CPEB3: variants seen among roughly 807,000 people sequenced by gnomAD.
CPEB3 encodes the protein cytoplasmic polyadenylation element-binding protein 3.
A neutral mutation model predicts 67.2 loss-of-function variants in CPEB3; 20 were observed. The ratio of observed to expected loss-of-function variants is 0.30; its 90% confidence interval spans 0.21 to 0.43. The LOEUF is 0.43. CPEB3 is among the 20% of genes least tolerant of loss of function. CPEB3 has a pLI of 1.00. For synonymous variants in CPEB3, 376 were observed against 393.1 expected, an observed-to-expected ratio of 0.96 and a Z score of 0.51; for missense variants, 746 against 968.6, an observed-to-expected ratio of 0.77 and a Z score of 3.05.
At chr10:92,119,155 A>G (rs1263718438) in intron 6 of CPEB3, 3 of 1,582,184 alleles carry the variant, frequency 1.9e-6, no homozygotes, top group Non-Finnish European at 1.7e-6. Context: ...TAGGGCCGGC[A>G]GCCATATGAA....
chr10:92,197,678 CCT>C (rs1476572794), intron 2 of CPEB3, among the ~76,000 whole-genome samples: 1 of 152,166 alleles, frequency 6.6e-6, no homozygotes, highest in African/African-American at 2.4e-5. Flanking sequence ...CTGCATTAGT[CCT>C]CTCTTTCTTC....
At chr10:92,063,796 T>C (rs1392523682) in intron 9 of CPEB3, among the ~76,000 whole-genome samples, 6 of 151,376 alleles carry the variant, frequency 4.0e-5, no homozygotes, top group Non-Finnish European at 8.8e-5. Flanking sequence ...TATCTAGTTA[T>C]CCTAAGGCAC....
At chr10:92,284,821 T>C (rs1348601533) in intron 1 of CPEB3, among the ~76,000 whole-genome samples, 1 of 152,228 alleles carries the variant, frequency 6.6e-6, no homozygotes, top group Non-Finnish European at 1.5e-5. Flanking sequence ...CTTCAGTCCC[T>C]AGCTTAGCGC....
chr10:92,060,641 T>C (rs1842306381), intron 9 of CPEB3, among the ~76,000 whole-genome samples: 1 of 152,136 alleles, frequency 6.6e-6, no homozygotes, highest in African/African-American at 2.4e-5. Flanking sequence ...AACCAGAATA[T>C]GTAAGGAGCT....
chr10:92,071,453 C>T (rs193138744), intron 9 of CPEB3, among the ~76,000 whole-genome samples: 47 of 152,050 alleles, frequency 3.1e-4, no homozygotes, highest in Admixed American at 2.0e-3. Flanking sequence ...CATGACTGTC[C>T]GGGAGCGGTG....
At chr10:92,209,076 TAAACATGTTGA>T (rs1487199596) in intron 2 of CPEB3, among the ~76,000 whole-genome samples, 1 of 152,178 alleles carries the variant, frequency 6.6e-6, no homozygotes, top group Non-Finnish European at 1.5e-5. Flanking sequence ...AAGTTCCCAG[TAAACATGTTGA>T]ACAAGTGAAG....
chr10:92,141,766 C>T lies in CPEB3; in HGVS notation c.1453+1263G>A, dbSNP rs1846435620. On this transcript the variant is annotated intron_variant, in intron 6 of 9. Coordinates refer to ENST00000265997, the MANE Select transcript of CPEB3 (RefSeq NM_014912.5). ...GGGCATGGTGGCTCACGCCTGTAAT[C>T]CCAGCACTTTGGGAGGCCAAGGCAG... Among the ~76,000 whole-genome samples, 3 of 150,294 alleles carry T rather than the reference C, an allele frequency of 2.0e-5. No homozygotes were observed. In the South Asian group the frequency reaches 6.3e-4, roughly 32 times the overall value.
At chr10:92,145,226 G>A in intron 4 of CPEB3, 141 bp from the exon 5 acceptor site, 1 of 855,670 alleles carries the variant, frequency 1.2e-6, no homozygotes, top group African/African-American at 1.7e-5. Flanking sequence ...GTCCTGAGCT[G>A]TGGCTTTTCC....
At chr10:92,228,024 C>T (rs146011338) in intron 2 of CPEB3, among the ~76,000 whole-genome samples, 35 of 152,238 alleles carry the variant, frequency 2.3e-4, no homozygotes, top group South Asian at 6.2e-4. Flanking sequence ...GTAGCTGGGA[C>T]TACAGACGTG....
chr10:92,283,657 G>T (rs1385748680), intron 1 of CPEB3, among the ~76,000 whole-genome samples: 1 of 151,744 alleles, frequency 6.6e-6, no homozygotes, highest in African/African-American at 2.4e-5. Flanking sequence ...GCAGGTTTAG[G>T]AACCACTACA....
At chr10:92,231,089 T>C (rs1203059479) in intron 2 of CPEB3, among the ~76,000 whole-genome samples, 1 of 152,174 alleles carries the variant, frequency 6.6e-6, no homozygotes, top group Non-Finnish European at 1.5e-5. Context: ...GGAAAACCCT[T>C]ACACTTACAT....
At chr10:92,212,361 C>T (rs1673530644) in intron 2 of CPEB3, among the ~76,000 whole-genome samples, 1 of 151,926 alleles carries the variant, frequency 6.6e-6, no homozygotes, top group Non-Finnish European at 1.5e-5. Flanking sequence ...ACCAATTCTC[C>T]TGCCTCAGCC....
chr10:92,217,377 TATG>T (rs1441893421), intron 2 of CPEB3, among the ~76,000 whole-genome samples: 2 of 152,144 alleles, frequency 1.3e-5, no homozygotes, highest in Admixed American at 6.5e-5. Context: ...GATTTATCAA[TATG>T]ATGATTCACA....
At chr10:92,072,882 G>A (rs1842800983) in intron 9 of CPEB3, among the ~76,000 whole-genome samples, 2 of 152,048 alleles carry the variant, frequency 1.3e-5, no homozygotes, top group South Asian at 2.1e-4. Flanking sequence ...ATTATGTGCT[G>A]AGTATCATAC....
At chr10:92,121,845 G>T (rs1162330888) in intron 6 of CPEB3, among the ~76,000 whole-genome samples, 2 of 152,144 alleles carry the variant, frequency 1.3e-5, no homozygotes, top group Non-Finnish European at 1.5e-5. Flanking sequence ...CCTATTACCA[G>T]TGACCTTCCT....
chr10:92,275,237 G>A (rs989458536), intron 1 of CPEB3, among the ~76,000 whole-genome samples: 2 of 152,192 alleles, frequency 1.3e-5, no homozygotes, highest in African/African-American at 4.8e-5. Context: ...ATGTTTAGCA[G>A]TATCCTTGGT....
chr10:92,183,978 A>G (rs1325098546), intron 3 of CPEB3, among the ~76,000 whole-genome samples: 1 of 152,172 alleles, frequency 6.6e-6, no homozygotes, highest in African/African-American at 2.4e-5. Flanking sequence ...GTAAAGGGGT[A>G]CCCTTTTTGT....
At chr10:92,128,182 T>C (rs888983571) in intron 6 of CPEB3, among the ~76,000 whole-genome samples, 6 of 152,182 alleles carry the variant, frequency 3.9e-5, no homozygotes, top group Admixed American at 2.6e-4. Flanking sequence ...GAGAAGGCCA[T>C]GTACAAAAAT....
intron 2 of CPEB3, among the ~76,000 whole-genome samples, chr10:92,237,752 C>T (rs751344368): frequency 6.6e-6 from 1 of 152,164 alleles, no homozygotes; most frequent in Non-Finnish European, 1.5e-5. Flanking sequence ...TGCTCTACCC[C>T]CTCCAAAAAT....
Sources: gnomAD v4.1 joint callset for allele counts (sites outside exome capture counted in the v4.1 genomes callset) on GRCh38, gnomAD v4.1.1 for gene constraint, MANE v1.5 for transcripts, NCBI Gene and HGNC (gene_info 2026-07-23, HGNC 2026-07-21) for gene names.